ZNF326: variants seen among roughly 807,000 people sequenced by gnomAD.
ZNF326 encodes DBIRD complex subunit ZNF326.
In ZNF326, 30 loss-of-function variants were observed where a neutral mutation model predicts 63.1. The ratio of observed to expected loss-of-function variants is 0.48; its 90% CI spans 0.36 to 0.64. The LOEUF (loss-of-function observed/expected upper bound fraction) is 0.64. ZNF326 is among the 30% of genes least tolerant of loss of function. The probability of loss-of-function intolerance (pLI) is 0.00; values close to 1 mark genes in which losing one functional copy is unlikely to be tolerated. For missense variants in ZNF326, 609 were observed against 720.3 expected, an observed-to-expected ratio of 0.85 and a Z score of 1.77; for synonymous variants, 194 against 228.2, an observed-to-expected ratio of 0.85 and a Z score of 1.35.
chr1:90,020,184 C>G (rs1394572924), intron 9 of ZNF326, among the ~76,000 whole-genome samples: 2 of 152,050 alleles, frequency 1.3e-5, no homozygotes, highest in Non-Finnish European at 2.9e-5. Flanking sequence ...TCTTCATCCT[C>G]TCCAGGATCA....
intron 2 of ZNF326, among the ~76,000 whole-genome samples, chr1:90,000,032 G>T (rs926127411): frequency 6.6e-6 from 1 of 152,152 alleles, no homozygotes; most frequent in Non-Finnish European, 1.5e-5. Flanking sequence ...GCGAGGGAGA[G>T]TAACATAGAG....
chr1:90,015,863 C>CAGTGT (rs1649478533), intron 7 of ZNF326, among the ~76,000 whole-genome samples: 1 of 152,004 alleles, frequency 6.6e-6, no homozygotes, highest in African/African-American at 2.4e-5. Context: ...AAATTGAAAG[C>CAGTGT]AGTGTAGATT....
rs1273286670 is a variant in ZNF326, at chr1:90,022,488, C to T, written c.1401+143C>T. On this transcript the variant is annotated intron_variant, in intron 11 of 11. Transcript: ENST00000340281. Reference sequence around the variant, plus strand: ...CTCAGTATCTTGCATATAGGTAAAACATCTTTTTTCCTAATTGTTGGGTTG... The same window carrying T: ...CTCAGTATCTTGCATATAGGTAAAATATCTTTTTTCCTAATTGTTGGGTTG... 1.8e-5 allele frequency: 11 copies of T among 624,544 alleles called. No homozygotes were observed. In the East Asian group the frequency reaches 2.6e-4, roughly 15 times the overall value. 38.7% of individuals were successfully genotyped at this position (624,544 alleles called of 1,614,324 possible). A position where few individuals can be genotyped will look rare whatever the true frequency, so the allele number is the denominator to read the frequency against.
rs997368507 is a variant in ZNF326 at position 90,031,246 on chromosome 1, G to A, written c.*3545G>A. ...TTACAACTATATTGGTAAGTTAGTAGGAGTAGTAATTTTCCCATATAATAA... is the reference window on the plus strand; with the variant it reads ...TTACAACTATATTGGTAAGTTAGTAAGAGTAGTAATTTTCCCATATAATAA... On this transcript the variant is annotated 3_prime_UTR_variant, in exon 12 of 12. Transcript: ENST00000340281. 6.6e-6 allele frequency: 1 copy of A among 152,254 alleles called. No homozygotes were observed. The highest frequency in any genetic ancestry group is 2.4e-5 in the African/African-American group (1 of 41,532). The allele number at this position is 152,254 out of a possible 1,614,324, so 9.4% of individuals were successfully genotyped here. A position where few individuals can be genotyped will look rare whatever the true frequency, so the allele number is the denominator to read the frequency against.
chr1:90,016,865 AC>A (rs1042013183), intron 7 of ZNF326, among the ~76,000 whole-genome samples: 5 of 152,218 alleles, frequency 3.3e-5, no homozygotes, highest in Admixed American at 3.3e-4. Flanking sequence ...AGAAGGCAAG[AC>A]TTTTATCACC....
chr1:90,013,072 AAG>A, intron 6 of ZNF326, 52 bp from the exon 7 acceptor site: 2 of 1,456,874 alleles, frequency 1.4e-6, no homozygotes, highest in Non-Finnish European at 1.9e-6. Flanking sequence ...GATGATTGGA[AAG>A]AGAGAATGGA....
intron 11 of ZNF326, among the ~76,000 whole-genome samples, chr1:90,023,163 A>T (rs1649855687): frequency 6.6e-6 from 1 of 152,194 alleles, no homozygotes; most frequent in Admixed American, 6.5e-5. Flanking sequence ...TTTAGAGGTT[A>T]GTCTTTTGGT....
At chr1:90,014,505 C>T (rs1050763552) in intron 7 of ZNF326, among the ~76,000 whole-genome samples, 9 of 152,100 alleles carry the variant, frequency 5.9e-5, no homozygotes, top group African/African-American at 1.9e-4. Context: ...CATTTTATTA[C>T]TAAGGAGAAA....
chr1:90,008,805 TCTTTA>T (rs1289515208), intron 5 of ZNF326, among the ~76,000 whole-genome samples: 2 of 152,192 alleles, frequency 1.3e-5, no homozygotes, highest in Non-Finnish European at 2.9e-5. Flanking sequence ...TAACAGTTAC[TCTTTA>T]CTTATGTAAA....
chr1:90,010,344 A>G lies in ZNF326; in HGVS notation c.814+58A>G, dbSNP rs1649177975. ...GATACTTTTTATTTTTTAAAATTCC[A>G]TACTTTTTGGTAATTTTTTCATGTT... On this transcript the variant is annotated intron_variant, in intron 6 of 11. Transcript: ENST00000340281. 76 of 1,550,054 alleles carry G rather than the reference A, an allele frequency of 4.9e-5. No homozygotes were observed. The South Asian group carries it at 7.9e-4, about 16-fold the overall frequency.
At chr1:89,996,241 G>A (rs1226309370) in intron 1 of ZNF326, among the ~76,000 whole-genome samples, 3 of 152,178 alleles carry the variant, frequency 2.0e-5, no homozygotes, top group African/African-American at 7.2e-5. Context: ...TGATTAAACT[G>A]GATTTAATCC....
Position 90,034,866 on chromosome 1 carries a change from A to G in ZNF326, c.*7165A>G, listed in dbSNP as rs1650421462. On this transcript the variant is annotated 3_prime_UTR_variant, in exon 12 of 12. Coordinates refer to ENST00000340281, the MANE Select transcript of ZNF326 (RefSeq NM_182976.4). ...CAAATGTAATTTGTTGAAACTGGTC[A>G]TGTTGAAAAAACATGACCAATTAAA... The G allele has an allele frequency of 6.6e-6, 1 of 152,184 alleles. No individual in the cohort carries two copies. The highest frequency in any genetic ancestry group is 6.5e-5 in the Admixed American group (1 of 15,288). 9.4% of individuals were successfully genotyped at this position (152,184 alleles called of 1,614,324 possible). A position where few individuals can be genotyped will look rare whatever the true frequency, so the allele number is the denominator to read the frequency against.
At chr1:90,010,691 A>G (rs1223058500) in intron 6 of ZNF326, among the ~76,000 whole-genome samples, 2 of 152,120 alleles carry the variant, frequency 1.3e-5, no homozygotes. Context: ...CTTTGTATTC[A>G]TTTTTCCCTT....
chr1:90,001,002 TAAG>T (rs920041527), intron 2 of ZNF326, among the ~76,000 whole-genome samples: 1 of 152,112 alleles, frequency 6.6e-6, no homozygotes, highest in African/African-American at 2.4e-5. Context: ...ATAATGAAGT[TAAG>T]AGGTGATGGG....
rs1292160710 is a variant in ZNF326, at chr1:89,995,148, G to T, written c.-110G>T. On this transcript the variant is annotated 5_prime_UTR_variant, in exon 1 of 12. Transcript: ENST00000340281. ...CCTGCGGCTCCCGGGCTGGTAGCGC[G>T]CCGCTCTCGGTCGCGCGGAGTGATC... 7.4e-7 allele frequency: 1 copy of T among 1,353,530 alleles called. No homozygotes were observed. The highest frequency in any genetic ancestry group is 1.0e-6 in the Non-Finnish European group (1 of 999,698). 83.8% of individuals were successfully genotyped at this position (1,353,530 alleles called of 1,614,324 possible). A position where few individuals can be genotyped will look rare whatever the true frequency, so the allele number is the denominator to read the frequency against.
At chr1:89,998,188 G>T (rs201892552) in intron 2 of ZNF326, 34 bp downstream of exon 2, 1 of 1,604,502 alleles carries the variant, frequency 6.2e-7, no homozygotes, top group Non-Finnish European at 8.5e-7. Context: ...CTCTTCATGC[G>T]CATAAAAATA....
In ZNF326 at chr1:90,007,419, T is replaced by G. The variant is rs754551067; in HGVS notation, c.284T>G (p.Phe95Cys). The G allele has an allele frequency of 1.2e-6, 2 of 1,614,142 alleles. No individual in the cohort carries two copies. Among genetic ancestry groups the G allele is most frequent in the South Asian group, 1.1e-5 (1 of 91,082 alleles). Residue 95 changes from phenylalanine (F) to cysteine (C), a missense_variant, in exon 5 of 12, where the codon TTT becomes TGT. Physicochemically the swap from Phe to Cys is radical, Grantham distance 205 (BLOSUM62 -2). Around this residue, in one of 3 missense-constraint regions of ZNF326, gnomAD observed 113 missense variants for 187.4 expected, o/e 0.60. Transcript: ENST00000340281. The surrounding 1 kb of genome is among the most constrained non-coding windows in gnomAD (Gnocchi z 4.9). ...GRDLYRSGYGFNEPEQSRFGG... is the reference protein window; with the variant it reads ...GRDLYRSGYGCNEPEQSRFGG... Reference sequence around the variant, plus strand: ...GATCTGTACAGATCTGGCTATGGTTTTAATGAACCCGAACAAAGCCGCTTC... The same window carrying G: ...GATCTGTACAGATCTGGCTATGGTTGTAATGAACCCGAACAAAGCCGCTTC...
At chr1:90,020,517 T>G (rs921031788) in intron 9 of ZNF326, among the ~76,000 whole-genome samples, 3 of 152,052 alleles carry the variant, frequency 2.0e-5, no homozygotes, top group African/African-American at 7.2e-5. Flanking sequence ...ATATTATAGT[T>G]TTGGGAGGAT....
At position 90,006,397 on chromosome 1, in the gene ZNF326, T is replaced by G. The variant is rs572577844; in HGVS notation, c.210-948T>G. On this transcript the variant is annotated intron_variant, in intron 4 of 11. Transcript: ENST00000340281. ...TATATCCGTAGATGTTATTGTTTTATCTCATGTGTAATTGTGGGCCTTTAT... is the reference window on the plus strand; with the variant it reads ...TATATCCGTAGATGTTATTGTTTTAGCTCATGTGTAATTGTGGGCCTTTAT... 21 of 984,998 alleles carry G rather than the reference T, an allele frequency of 2.1e-5. No individual in the cohort carries two copies. In the South Asian group the frequency reaches 9.4e-4, roughly 44 times the overall value. 61.0% of individuals were successfully genotyped at this position (984,998 alleles called of 1,614,324 possible). A position where few individuals can be genotyped will look rare whatever the true frequency, so the allele number is the denominator to read the frequency against.
Sources: gnomAD v4.1 joint callset for allele counts (sites outside exome capture counted in the v4.1 genomes callset) on GRCh38, gnomAD v4.1.1 for gene constraint, gnomAD v4.1.1 regional missense constraint, Gnocchi (gnomAD v3.1) non-coding constraint, MANE v1.5 for transcripts, NCBI Gene and HGNC (gene_info 2026-07-23, HGNC 2026-07-21) for gene names.